The following DPYSL2 variants were observed in gnomAD, a reference collection of about 807,000 sequenced individuals.
DPYSL2 encodes the protein dihydropyrimidinase-related protein 2.
DPYSL2 carries 13 observed loss-of-function variants against 69.9 expected under a neutral mutation model. That is an observed-to-expected ratio of 0.19 (90% confidence interval 0.12 to 0.30). The LOEUF (loss-of-function observed/expected upper bound fraction) is 0.30, where lower values mean the gene tolerates loss of function less well. DPYSL2 is among the 10% of genes least tolerant of loss of function. The probability of loss-of-function intolerance (pLI) is 1.00; values close to 1 mark genes in which losing one functional copy is unlikely to be tolerated. For synonymous variants in DPYSL2, 326 were observed against 359.1 expected, an observed-to-expected ratio of 0.91 and a Z score of 1.04; for missense variants, 587 against 918.9, an observed-to-expected ratio of 0.64 and a Z score of 4.67.
intron 1 of DPYSL2, among the ~76,000 whole-genome samples, chr8:26,550,622 T>A (rs1204430594): frequency 6.6e-6 from 1 of 152,188 alleles, no homozygotes; most frequent in Non-Finnish European, 1.5e-5. Context: ...GTCAGGGTTC[T>A]CCAGAAATGC....
At position 26,585,021 on chromosome 8, in the gene DPYSL2, T is replaced by C. The variant is rs142862165; in HGVS notation, c.628+1038T>C. On this transcript the variant is annotated intron_variant, in intron 3 of 13. Coordinates refer to ENST00000521913, the MANE Select transcript of DPYSL2 (RefSeq NM_001197293.3). The surrounding 1 kb of genome is among the most constrained non-coding windows in gnomAD (Gnocchi z 4.0). ...GCTTGTGAACTGCTAGATTCCAGCA[T>C]GCCCACTGATTGTCCTTTTGAAAAA... 2.0e-5 allele frequency among the ~76,000 whole-genome samples: 3 copies of C among 152,324 alleles called. No homozygotes were observed. The East Asian group carries it at 5.8e-4, about 29-fold the overall frequency.
At position 26,656,515 on chromosome 8, in the gene DPYSL2, C is replaced by T. The variant is rs758375468; in HGVS notation, c.*809C>T. On this transcript the variant is annotated 3_prime_UTR_variant, in exon 14 of 14. Transcript: ENST00000521913. ...TAGCTTTTTAATTCATGAATATTTT[C>T]GTGTCTGTCTCTCTCTCTCTCTGTG... 1.3e-5 allele frequency: 2 copies of T among 148,316 alleles called. No homozygotes were observed. The highest frequency in any genetic ancestry group is 2.6e-5 in the African/African-American group (1 of 37,754). The allele number at this position is 148,316 out of a possible 1,614,324, so 9.2% of individuals were successfully genotyped here. A position where few individuals can be genotyped will look rare whatever the true frequency, so the allele number is the denominator to read the frequency against.
chr8:26,578,648 A>T, intron 1 of DPYSL2: 1 of 1,100,960 alleles, frequency 9.1e-7, no homozygotes. Context: ...GAGCTCGGAT[A>T]TTGTTCTCTG....
At chr8:26,572,966 A>G (rs562566671) in intron 1 of DPYSL2, among the ~76,000 whole-genome samples, 1 of 152,252 alleles carries the variant, frequency 6.6e-6, no homozygotes, top group East Asian at 1.9e-4. Context: ...TAATGGGAGG[A>G]TGGAGTAAAG....
At chr8:26,554,133 C>A (rs1800908912) in intron 1 of DPYSL2, among the ~76,000 whole-genome samples, 1 of 152,034 alleles carries the variant, frequency 6.6e-6, no homozygotes, top group Admixed American at 6.5e-5. Context: ...CGTGATCCAC[C>A]CGCCTTGGCC....
In DPYSL2 at chr8:26,622,353, C is replaced by G. The variant is rs116996303; in HGVS notation, c.629-1790C>G. Among the ~76,000 whole-genome samples the G allele has an allele frequency of 3.8e-3, 575 of 151,828 alleles. 3 individuals carry two copies. The highest frequency in any genetic ancestry group is 5.6e-3 in the Non-Finnish European group (379 of 67,950). ...GATAACATTATCTGTATTACAGATA[C>G]CAGATATGTGTGTACCCATTTATTT... On this transcript the variant is annotated intron_variant, in intron 3 of 13. Transcript: ENST00000521913.
At chr8:26,569,310 T>C (rs1801199061) in intron 1 of DPYSL2, among the ~76,000 whole-genome samples, 1 of 139,388 alleles carries the variant, frequency 7.2e-6, no homozygotes, top group African/African-American at 2.7e-5. Context: ...GCTATGCTCA[T>C]GCCACGGCAC....
At chr8:26,528,742 G>A (rs1428971622) in intron 1 of DPYSL2, among the ~76,000 whole-genome samples, 4 of 152,160 alleles carry the variant, frequency 2.6e-5, no homozygotes, top group African/African-American at 9.6e-5. Flanking sequence ...GCAGTGCAGC[G>A]CCACTCTGGG....
At position 26,605,457 on chromosome 8, in the gene DPYSL2, A is replaced by G. The variant is rs1000693397; in HGVS notation, c.629-18686A>G. Among the ~76,000 whole-genome samples, 3 of 151,590 alleles carry G rather than the reference A, an allele frequency of 2.0e-5. No individual in the cohort carries two copies. Among genetic ancestry groups the G allele is most frequent in the Non-Finnish European group, 4.4e-5 (3 of 67,888 alleles). ...ATGCACCCACTACCACACCCAGCTA[A>G]TTTTTATATTTTTAGTAGAGATGGG... On this transcript the variant is annotated intron_variant, in intron 3 of 13. Coordinates refer to ENST00000521913, the MANE Select transcript of DPYSL2 (RefSeq NM_001197293.3). The surrounding 1 kb of genome is among the most constrained non-coding windows in gnomAD (Gnocchi z 4.1).
chr8:26,655,237 C>T (rs1291847962), intron 13 of DPYSL2, among the ~76,000 whole-genome samples: 2 of 152,122 alleles, frequency 1.3e-5, no homozygotes, highest in Non-Finnish European at 2.9e-5. Context: ...TGGCTCACAC[C>T]TCTTATCCCA....
At position 26,655,722 on chromosome 8, in the gene DPYSL2, C is replaced by CT. The variant is rs1563201688; in HGVS notation, c.*16_*17insT. 6.3e-7 allele frequency: 1 copy of CT among 1,589,136 alleles called. No homozygotes were observed. ...CCTGGGCTAGAGCTCCTGGGCTGTG[C>CT]CGTCCACTGGGGACTGGGGATGGGA... On this transcript the variant is annotated 3_prime_UTR_variant, in exon 14 of 14. Coordinates refer to ENST00000521913, the MANE Select transcript of DPYSL2 (RefSeq NM_001197293.3).
chr8:26,580,637 C>G lies in DPYSL2; in HGVS notation c.355-1332C>G, dbSNP rs1801470920. Reference sequence around the variant, plus strand: ...ATCTTTTTTCCTTGCTCTCTAGTAGCTTATCTCTTTTTTAAAGATTTTCTA... The same window carrying G: ...ATCTTTTTTCCTTGCTCTCTAGTAGGTTATCTCTTTTTTAAAGATTTTCTA... On this transcript the variant is annotated intron_variant, in intron 1 of 13. Transcript: ENST00000521913. This position sits in a 1 kb window ranked among gnomAD's most constrained non-coding sequence, Gnocchi z 4.1. 6.6e-6 allele frequency among the ~76,000 whole-genome samples: 1 copy of G among 152,138 alleles called. No individual in the cohort carries two copies. Among genetic ancestry groups the G allele is most frequent in the African/African-American group, 2.4e-5 (1 of 41,424 alleles).
intron 1 of DPYSL2, among the ~76,000 whole-genome samples, chr8:26,540,743 T>C (rs1208269809): frequency 6.6e-6 from 1 of 151,986 alleles, no homozygotes; most frequent in Non-Finnish European, 1.5e-5. Flanking sequence ...CTTTCTCTAC[T>C]AAAAATACAA....
In DPYSL2 at chr8:26,582,675, GAGGGTT is replaced by G. The variant is rs574809678; in HGVS notation, c.443+620_443+625del. On this transcript the variant is annotated intron_variant, in intron 2 of 13. Transcript: ENST00000521913. The surrounding 1 kb of genome is among the most constrained non-coding windows in gnomAD (Gnocchi z 4.1). ...TGAGTTTGGGTATTTTTGGACGCCAGAGGGTTAAGGAAGCTGAGTTCATCCCAGTAT... is the reference window on the plus strand; with the variant it reads ...TGAGTTTGGGTATTTTTGGACGCCAGAAGGAAGCTGAGTTCATCCCAGTAT... Among the ~76,000 whole-genome samples, 2 of 152,234 alleles carry G rather than the reference GAGGGTT, an allele frequency of 1.3e-5. No homozygotes were observed. Among genetic ancestry groups the G allele is most frequent in the Non-Finnish European group, 2.9e-5 (2 of 68,042 alleles).
chr8:26,518,183 G>A (rs1035633752), intron 1 of DPYSL2, among the ~76,000 whole-genome samples: 23 of 152,166 alleles, frequency 1.5e-4, no homozygotes, highest in Admixed American at 1.4e-3. Flanking sequence ...TAAACAAAAC[G>A]AATGTGTGGT....
intron 3 of DPYSL2, among the ~76,000 whole-genome samples, chr8:26,623,294 G>A (rs1802539351): frequency 2.0e-5 from 3 of 152,208 alleles, no homozygotes; most frequent in Admixed American, 2.0e-4. Context: ...AAACCTTACT[G>A]GGGACTTGAA....
intron 1 of DPYSL2, among the ~76,000 whole-genome samples, chr8:26,520,109 T>C (rs1256233070): frequency 1.3e-5 from 2 of 152,328 alleles, no homozygotes; most frequent in Non-Finnish European, 1.5e-5. Context: ...TCACAAGATT[T>C]ATAAGGGTTT....
chr8:26,574,994 C>T (rs1801303548), intron 1 of DPYSL2, among the ~76,000 whole-genome samples: 3 of 152,286 alleles, frequency 2.0e-5, no homozygotes, highest in East Asian at 1.9e-4. Context: ...AGTGCAGTGG[C>T]GCTATCTTGG....
intron 3 of DPYSL2, among the ~76,000 whole-genome samples, chr8:26,590,378 C>T (rs1314111443): frequency 6.6e-6 from 1 of 152,252 alleles, no homozygotes; most frequent in Non-Finnish European, 1.5e-5. Context: ...GTGCCCTCTG[C>T]AAGCAGATGC....
Sources: gnomAD v4.1 joint callset for allele counts (sites outside exome capture counted in the v4.1 genomes callset) on GRCh38, gnomAD v4.1.1 for gene constraint, Gnocchi (gnomAD v3.1) non-coding constraint, MANE v1.5 for transcripts, NCBI Gene and HGNC (gene_info 2026-07-23, HGNC 2026-07-21) for gene names.